The following CAPZA2 variants were observed in gnomAD, a reference collection of about 807,000 sequenced individuals.
CAPZA2 encodes the protein F-actin-capping protein subunit alpha-2.
In CAPZA2, 13 loss-of-function variants were observed where a neutral mutation model predicts 44.0. The observed-to-expected ratio is 0.30, with a 90% confidence interval of 0.19 to 0.47. The LOEUF (loss-of-function observed/expected upper bound fraction) is 0.47. Ranked by LOEUF, CAPZA2 falls within the 20% of genes least tolerant of loss-of-function variation. CAPZA2 has a pLI of 1.00. For missense variants in CAPZA2, 244 were observed against 338.6 expected (o/e 0.72, Z 2.19); for synonymous variants, 94 against 108.2 (o/e 0.87, Z 0.81).
At chr7:116,879,545 A>G (rs1018998351) in intron 1 of CAPZA2, among the ~76,000 whole-genome samples, 5 of 152,120 alleles carry the variant, frequency 3.3e-5, no homozygotes, top group Non-Finnish European at 5.9e-5. Context: ...CATTAATTAG[A>G]TTCTCATAAG....
Position 116,916,116 on chromosome 7 carries a change from A to T in CAPZA2, c.714A>T (p.Glu238Asp). Residue 238 changes from glutamate (E) to aspartate (D), a missense_variant, in exon 9 of 10, where the codon GAA becomes GAT. Coordinates refer to ENST00000361183, the MANE Select transcript of CAPZA2 (RefSeq NM_006136.3). Reference sequence around the variant, plus strand: ...AGATTGTAGAAGCTGCAGAAAATGAATACCAGGTATGATTTTTTAAATATT... The same window carrying T: ...AGATTGTAGAAGCTGCAGAAAATGATTACCAGGTATGATTTTTTAAATATT... Reference protein sequence around the residue: ...FIKIVEAAENEYQTAISENYQ... With the variant: ...FIKIVEAAENDYQTAISENYQ... 8 of 1,541,510 alleles carry T rather than the reference A, an allele frequency of 5.2e-6. No homozygotes were observed. Among genetic ancestry groups the T allele is most frequent in the Non-Finnish European group, 7.0e-6 (8 of 1,150,274 alleles).
chr7:116,870,984 T>C (rs1796547823), intron 1 of CAPZA2, among the ~76,000 whole-genome samples: 1 of 152,310 alleles, frequency 6.6e-6, no homozygotes, highest in South Asian at 2.1e-4. Context: ...CTAGTCATTG[T>C]CTATGTGAAA....
intron 1 of CAPZA2, among the ~76,000 whole-genome samples, chr7:116,882,328 G>A (rs1456309325): frequency 6.6e-6 from 1 of 151,988 alleles, no homozygotes; most frequent in Non-Finnish European, 1.5e-5. Context: ...TTTATTAATT[G>A]GAATTCTATG....
intron 3 of CAPZA2, among the ~76,000 whole-genome samples, chr7:116,896,199 G>A (rs1036344498): frequency 2.0e-5 from 3 of 151,348 alleles, no homozygotes; most frequent in Non-Finnish European, 2.9e-5. Flanking sequence ...CGTTTTTGTA[G>A]TGGGGAAAAC....
chr7:116,915,174 A>G (rs1791663142), intron 8 of CAPZA2, among the ~76,000 whole-genome samples: 1 of 152,034 alleles, frequency 6.6e-6, no homozygotes, highest in Non-Finnish European at 1.5e-5. Context: ...ATGGTGGCAC[A>G]TTCCTATAGT....
chr7:116,887,119 T>C (rs1796772935), intron 1 of CAPZA2, among the ~76,000 whole-genome samples: 1 of 152,258 alleles, frequency 6.6e-6, no homozygotes, highest in African/African-American at 2.4e-5. Context: ...TAATCAAATA[T>C]GTATGTCATT....
intron 1 of CAPZA2, among the ~76,000 whole-genome samples, chr7:116,869,972 C>T (rs1796531286): frequency 6.6e-6 from 1 of 152,132 alleles, no homozygotes; most frequent in Non-Finnish European, 1.5e-5. Flanking sequence ...CGGGTTCAGG[C>T]AATTCTCCTG....
At chr7:116,891,683 T>C (rs1796848691) in intron 2 of CAPZA2, among the ~76,000 whole-genome samples, 3 of 152,174 alleles carry the variant, frequency 2.0e-5, no homozygotes. Flanking sequence ...GGCTAGTTTT[T>C]TGTATTTTTA....
intron 1 of CAPZA2, among the ~76,000 whole-genome samples, chr7:116,871,465 A>G (rs1165133607): frequency 6.6e-6 from 1 of 152,232 alleles, no homozygotes. Context: ...TCTTCATTGT[A>G]CAGACAGGAA....
At chr7:116,894,903 A>G (rs192326561) in intron 3 of CAPZA2, among the ~76,000 whole-genome samples, 63 of 152,252 alleles carry the variant, frequency 4.1e-4, no homozygotes, top group Non-Finnish European at 6.5e-4. Context: ...TTATCTTCCA[A>G]TGGACACTTG....
chr7:116,901,378 G>T (rs146286356), intron 4 of CAPZA2, among the ~76,000 whole-genome samples: 13 of 152,214 alleles, frequency 8.5e-5, no homozygotes, highest in African/African-American at 3.1e-4. Context: ...GGAGCTGAAG[G>T]CCATTATTCT....
At chr7:116,880,121 G>T (rs1471425317) in intron 1 of CAPZA2, 1 of 469,486 alleles carries the variant, frequency 2.1e-6, no homozygotes. Flanking sequence ...TGGAAAGTTG[G>T]CCAATTTTTT....
intron 5 of CAPZA2, chr7:116,904,638 A>G: frequency 2.7e-6 from 1 of 373,178 alleles, no homozygotes; most frequent in Non-Finnish European, 4.8e-6. Flanking sequence ...TGATTAAAGG[A>G]GCAGGATATG....
intron 1 of CAPZA2, among the ~76,000 whole-genome samples, chr7:116,867,870 G>T (rs565368311): frequency 6.6e-6 from 1 of 152,048 alleles, no homozygotes; most frequent in Non-Finnish European, 1.5e-5. Context: ...AGGCGTGAGC[G>T]ACCACTCCCA....
chr7:116,913,614 G>A (rs1041915988), intron 8 of CAPZA2, among the ~76,000 whole-genome samples: 1 of 151,514 alleles, frequency 6.6e-6, no homozygotes, highest in Non-Finnish European at 1.5e-5. Context: ...TGTTGGTTTG[G>A]TTGGTTTTGT....
intron 1 of CAPZA2, among the ~76,000 whole-genome samples, chr7:116,886,547 C>T (rs1433666021): frequency 6.6e-6 from 1 of 152,160 alleles, no homozygotes; most frequent in Non-Finnish European, 1.5e-5. Flanking sequence ...TACATCAAAG[C>T]AATGATAGTG....
At chr7:116,866,709 C>T (rs1182850696) in intron 1 of CAPZA2, among the ~76,000 whole-genome samples, 1 of 152,182 alleles carries the variant, frequency 6.6e-6, no homozygotes, top group Non-Finnish European at 1.5e-5. Flanking sequence ...TCCTGTAACC[C>T]TTTACCTCAG....
intron 6 of CAPZA2, among the ~76,000 whole-genome samples, chr7:116,908,449 GTAA>G (rs1157346806): frequency 6.6e-6 from 1 of 152,072 alleles, no homozygotes; most frequent in Non-Finnish European, 1.5e-5. Flanking sequence ...ATACATATTT[GTAA>G]TTACAGAGTT....
At position 116,919,074 on chromosome 7, in the gene CAPZA2, T is replaced by A. The variant is rs1791724528; in HGVS notation, c.*1207T>A. 1 of 151,098 alleles carries A rather than the reference T, an allele frequency of 6.6e-6. No homozygotes were observed. The allele number at this position is 151,098 out of a possible 1,614,324, so 9.4% of individuals were successfully genotyped here. On this transcript the variant is annotated 3_prime_UTR_variant, in exon 10 of 10. Coordinates refer to ENST00000361183, the MANE Select transcript of CAPZA2 (RefSeq NM_006136.3). ...CCCACAGACGTCTGGGCCTGGAAATTTTTTTTTTATTTTATTTTATTGTTT... is the reference window on the plus strand; with the variant it reads ...CCCACAGACGTCTGGGCCTGGAAATATTTTTTTTATTTTATTTTATTGTTT...
Sources: gnomAD v4.1 joint callset for allele counts (sites outside exome capture counted in the v4.1 genomes callset) on GRCh38, gnomAD v4.1.1 for gene constraint, MANE v1.5 for transcripts, NCBI Gene and HGNC (gene_info 2026-07-23, HGNC 2026-07-21) for gene names.